ARMH3: variants seen among roughly 807,000 people sequenced by gnomAD.
ARMH3 encodes the protein armadillo-like helical domain-containing protein 3.
ARMH3 carries 60 observed loss-of-function variants against 99.1 expected under a neutral mutation model. The ratio of observed to expected loss-of-function variants is 0.61; its 90% CI spans 0.49 to 0.75. The LOEUF is 0.75. ARMH3 is among the 30% of genes least tolerant of loss of function. The pLI, the probability that ARMH3 is intolerant of heterozygous loss-of-function variation, is 0.00. For missense variants in ARMH3, 679 were observed against 843.1 expected (o/e 0.81, Z 2.41); for synonymous variants, 285 against 292.8 (o/e 0.97, Z 0.27).
At chr10:101,897,692 G>A (rs185009313) in intron 23 of ARMH3, among the ~76,000 whole-genome samples, 18 of 152,278 alleles carry the variant, frequency 1.2e-4, no homozygotes, top group Admixed American at 2.0e-4. Flanking sequence ...AAGTCCCAAA[G>A]GGGAAGGAAA....
At chr10:101,930,229 A>T (rs545508398) in intron 23 of ARMH3, among the ~76,000 whole-genome samples, 1 of 152,164 alleles carries the variant, frequency 6.6e-6, no homozygotes, top group Non-Finnish European at 1.5e-5. Flanking sequence ...AATCATCTCA[A>T]TAGAAGCAAA....
At chr10:101,893,425 G>GT (rs1181064336) in intron 23 of ARMH3, among the ~76,000 whole-genome samples, 10 of 151,692 alleles carry the variant, frequency 6.6e-5, no homozygotes, top group Admixed American at 2.6e-4. Flanking sequence ...TGAACTAGAG[G>GT]TTTTGTTCTT....
At chr10:101,851,925 G>A (rs2066610767) in intron 24 of ARMH3, among the ~76,000 whole-genome samples, 1 of 152,190 alleles carries the variant, frequency 6.6e-6, no homozygotes. Flanking sequence ...CACCCACAAA[G>A]TAATCTGGTC....
chr10:101,872,526 G>C (rs970958858), intron 24 of ARMH3, among the ~76,000 whole-genome samples: 2 of 151,402 alleles, frequency 1.3e-5, no homozygotes, highest in Non-Finnish European at 2.9e-5. Context: ...GTGAAAACCC[G>C]TCTCTACTAA....
At chr10:101,983,627 T>G (rs907377196) in intron 19 of ARMH3, among the ~76,000 whole-genome samples, 1 of 152,138 alleles carries the variant, frequency 6.6e-6, no homozygotes, top group African/African-American at 2.4e-5. Context: ...TTGGAGAGCT[T>G]CTGGATAGCT....
chr10:101,861,451 G>C (rs1354411083), intron 24 of ARMH3, among the ~76,000 whole-genome samples: 1 of 152,168 alleles, frequency 6.6e-6, no homozygotes, highest in South Asian at 2.1e-4. Flanking sequence ...AGAAGTTCTT[G>C]ACTGGGCACA....
intron 21 of ARMH3, 55 bp downstream of exon 21, chr10:101,957,595 C>T (rs1358483091): frequency 7.1e-6 from 11 of 1,541,578 alleles, no homozygotes; most frequent in Non-Finnish European, 9.6e-6. Context: ...CAAACCAGTG[C>T]ATTTCTGCCT....
intron 2 of ARMH3, 104 bp downstream of exon 2, chr10:102,039,909 T>A: frequency 9.5e-7 from 1 of 1,055,782 alleles, no homozygotes; most frequent in Admixed American, 1.9e-5. Flanking sequence ...CTGTCCCACA[T>A]CCCCCAAGGA....
At position 101,990,463 on chromosome 10, in the gene ARMH3, G is replaced by A. The variant is rs562602437; in HGVS notation, c.1406+88C>T. 2.5e-5 allele frequency: 26 copies of A among 1,038,602 alleles called. No individual in the cohort carries two copies. In the East Asian group the frequency reaches 5.1e-4, roughly 20 times the overall value. 64.3% of individuals were successfully genotyped at this position (1,038,602 alleles called of 1,614,324 possible). On this transcript the variant is annotated intron_variant, in intron 19 of 25. Coordinates refer to ENST00000370033, the MANE Select transcript of ARMH3 (RefSeq NM_024541.3). ...TGGTATTACAGGCGTGAGCCATGGC[G>A]CCCGGCCTACACAGACCATGAATTT... is the stretch of plus-strand genomic sequence containing the variant.
intron 24 of ARMH3, among the ~76,000 whole-genome samples, chr10:101,862,048 CAAA>C (rs34359012): frequency 3.6e-4 from 13 of 36,354 alleles, no homozygotes; most frequent in African/African-American, 1.7e-3. Flanking sequence ...GATTCCCTCT[CAAA>C]AAAAAAAAAA....
At chr10:101,940,977 G>A (rs1248872243) in intron 22 of ARMH3, among the ~76,000 whole-genome samples, 1 of 152,154 alleles carries the variant, frequency 6.6e-6, no homozygotes, top group African/African-American at 2.4e-5. Context: ...AATTAATAAG[G>A]GCTAAATATG....
chr10:102,030,256 TAA>T (rs1335662017), intron 4 of ARMH3, among the ~76,000 whole-genome samples: 5 of 152,130 alleles, frequency 3.3e-5, no homozygotes, highest in African/African-American at 1.2e-4. Flanking sequence ...ATCCAGCAAA[TAA>T]AAGAGGAACA....
chr10:101,932,331 C>A (rs1396095169), intron 23 of ARMH3, among the ~76,000 whole-genome samples: 1 of 152,182 alleles, frequency 6.6e-6, no homozygotes, highest in East Asian at 1.9e-4. Flanking sequence ...TGGAAAGTAA[C>A]ATGGTGCAGC....
chr10:101,864,403 A>G (rs2066950764), intron 24 of ARMH3, among the ~76,000 whole-genome samples: 1 of 152,240 alleles, frequency 6.6e-6, no homozygotes, highest in Admixed American at 6.5e-5. Flanking sequence ...GTATATACCC[A>G]AAGGATTATA....
At chr10:101,970,147 C>G (rs1232017259) in intron 20 of ARMH3, among the ~76,000 whole-genome samples, 1 of 152,218 alleles carries the variant, frequency 6.6e-6, no homozygotes, top group Non-Finnish European at 1.5e-5. Flanking sequence ...TCTCCAACAA[C>G]TACACACTTC....
rs148516591 is a variant in ARMH3 at position 102,016,239 on chromosome 10, A to G, written c.670-2215T>C. Among the ~76,000 whole-genome samples the G allele has an allele frequency of 5.1e-3, 782 of 152,302 alleles. 3 individuals carry two copies. The highest frequency in any genetic ancestry group is 0.01 in the Middle Eastern group (3 of 294). ...TTACACTTAGCTGTTAAGCATCCCT[A>G]ATCCAAAAATCTGAAATACTCCAAT... On this transcript the variant is annotated intron_variant, in intron 8 of 25. Coordinates refer to ENST00000370033, the MANE Select transcript of ARMH3 (RefSeq NM_024541.3).
At chr10:101,995,036 A>AAAAC (rs956931801) in intron 16 of ARMH3, among the ~76,000 whole-genome samples, 9 of 152,330 alleles carry the variant, frequency 5.9e-5, no homozygotes, top group Middle Eastern at 3.4e-3. Context: ...ACTCCGTCTC[A>AAAAC]AAACAAACAA....
At position 101,935,174 on chromosome 10, in the gene ARMH3, A is replaced by AATATATATAT. The variant is rs5787448; in HGVS notation, c.1781+4679_1781+4688dup. ...AGAAGCGGAATCTCAAAGGTGGAGC[A>AATATATATAT]ATATATATATATATATATATATATA... On this transcript the variant is annotated intron_variant, in intron 23 of 25. Transcript: ENST00000370033. Among the ~76,000 whole-genome samples, 84 of 117,152 alleles carry AATATATATAT rather than the reference A, an allele frequency of 7.2e-4. 2 individuals carry two copies. Among genetic ancestry groups the AATATATATAT allele is most frequent in the South Asian group, 1.5e-3 (5 of 3,270 alleles). 76.9% of individuals were successfully genotyped at this position (117,152 alleles called of 152,430 possible). A position where few individuals can be genotyped will look rare whatever the true frequency, so the allele number is the denominator to read the frequency against.
intron 22 of ARMH3, among the ~76,000 whole-genome samples, chr10:101,951,967 C>A (rs2135783030): frequency 6.6e-6 from 1 of 151,812 alleles, no homozygotes; most frequent in Non-Finnish European, 1.5e-5. Flanking sequence ...ATAAGAACAG[C>A]AGCAGCAGCA....
Sources: allele counts gnomAD v4.1 joint callset (sites outside exome capture counted in the v4.1 genomes callset), GRCh38; gene constraint gnomAD v4.1.1; transcripts MANE v1.5; gene names NCBI Gene and HGNC (gene_info 2026-07-23, HGNC 2026-07-21).